Variants in SOAT1 observed in about 807,000 individuals in gnomAD.
SOAT1 encodes the protein acyl-coenzyme A:cholesterol acyltransferase 1.
In SOAT1, 55 loss-of-function variants were observed where a neutral mutation model predicts 69.5. That is an observed-to-expected ratio of 0.79 (90% CI 0.64 to 0.99). The LOEUF (loss-of-function observed/expected upper bound fraction) is 0.99, where lower values mean the gene tolerates loss of function less well. Ranked by LOEUF, SOAT1 falls within the 50% of genes least tolerant of loss-of-function variation. SOAT1 has a pLI of 0.00. For missense variants in SOAT1, 580 were observed against 669.3 expected, an observed-to-expected ratio of 0.87 and a Z score of 1.47; for synonymous variants, 231 against 224.7, an observed-to-expected ratio of 1.03 and a Z score of -0.25.
intron 2 of SOAT1, among the ~76,000 whole-genome samples, chr1:179,317,973 G>A (rs1665453794): frequency 6.6e-6 from 1 of 151,982 alleles, no homozygotes; most frequent in African/African-American, 2.4e-5. Flanking sequence ...GATTGTTTGA[G>A]GCCAGGAGTT....
intron 3 of SOAT1, among the ~76,000 whole-genome samples, chr1:179,332,719 A>T (rs1285662749): frequency 1.3e-5 from 2 of 152,192 alleles, no homozygotes; most frequent in African/African-American, 4.8e-5. Flanking sequence ...GATACCAGAC[A>T]TTATTCAGAT....
intron 2 of SOAT1, among the ~76,000 whole-genome samples, chr1:179,315,881 T>C (rs1001399100): frequency 3.3e-5 from 5 of 152,246 alleles, no homozygotes; most frequent in Admixed American, 6.5e-5. Context: ...AGCTTTTGTC[T>C]TCATTTTTTT....
intron 2 of SOAT1, among the ~76,000 whole-genome samples, chr1:179,314,963 T>TA (rs1665341944): frequency 6.6e-6 from 1 of 152,170 alleles, no homozygotes; most frequent in African/African-American, 2.4e-5. Flanking sequence ...CTTATGGACT[T>TA]ATGCGGGGTT....
intron 7 of SOAT1, among the ~76,000 whole-genome samples, 167 bp downstream of exon 7, chr1:179,341,477 T>A (rs12755434): frequency 6.6e-6 from 1 of 152,118 alleles, no homozygotes; most frequent in Non-Finnish European, 1.5e-5. Flanking sequence ...TCATCTCACC[T>A]CTTAAGTTTC....
intron 2 of SOAT1, among the ~76,000 whole-genome samples, chr1:179,321,035 T>A (rs1164940925): frequency 6.6e-6 from 1 of 151,970 alleles, no homozygotes; most frequent in African/African-American, 2.4e-5. Flanking sequence ...GACTCCCAAG[T>A]AGCTGGGATT....
chr1:179,336,470 CAAAAAAAAAAAAA>C (rs71569242), intron 4 of SOAT1, among the ~76,000 whole-genome samples: 1 of 79,074 alleles, frequency 1.3e-5, no homozygotes, highest in Non-Finnish European at 2.3e-5. Flanking sequence ...ACCCTGTCTC[CAAAAAAAAAAAAA>C]AAAAAAAAAA....
intron 3 of SOAT1, among the ~76,000 whole-genome samples, chr1:179,333,780 C>A (rs562414437): frequency 7.7e-6 from 1 of 130,404 alleles, no homozygotes; most frequent in African/African-American, 2.7e-5. Flanking sequence ...TTGCGGTGAG[C>A]TAGTATCATG....
chr1:179,313,230 A>C (rs1223381920), intron 2 of SOAT1, among the ~76,000 whole-genome samples: 1 of 152,206 alleles, frequency 6.6e-6, no homozygotes, highest in African/African-American at 2.4e-5. Context: ...AGAGTTGAGT[A>C]GTTGTTACAT....
At chr1:179,328,441 AATAAAG>A (rs1665860003) in intron 3 of SOAT1, among the ~76,000 whole-genome samples, 1 of 152,248 alleles carries the variant, frequency 6.6e-6, no homozygotes, top group Non-Finnish European at 1.5e-5. Flanking sequence ...ATTTCAATAT[AATAAAG>A]TTCCCACTCA....
chr1:179,352,971 C>T (rs1308184075), intron 15 of SOAT1, among the ~76,000 whole-genome samples: 3 of 150,818 alleles, frequency 2.0e-5, no homozygotes, highest in African/African-American at 7.3e-5. Context: ...TGCTTGCTTC[C>T]CTCTCTTTCC....
In SOAT1 at chr1:179,353,700, C is replaced by T. The variant is rs369822705; in HGVS notation, c.*59C>T. 174 of 1,353,152 alleles carry T rather than the reference C, an allele frequency of 1.3e-4. 1 individual carries two copies. The African/African-American group carries it at 2.2e-3, about 17-fold the overall frequency. 83.8% of individuals were successfully genotyped at this position (1,353,152 alleles called of 1,614,324 possible). On this transcript the variant is annotated 3_prime_UTR_variant, in exon 16 of 16. Coordinates refer to ENST00000367619, the MANE Select transcript of SOAT1 (RefSeq NM_003101.6). Reference sequence around the variant, plus strand: ...GATTGGGTAGCTCCCTGATTTGGAGCCAGCTGTTTCCAGTTGTTACTGAAG... The same window carrying T: ...GATTGGGTAGCTCCCTGATTTGGAGTCAGCTGTTTCCAGTTGTTACTGAAG...
chr1:179,304,498 G>A (rs981562882), intron 2 of SOAT1, among the ~76,000 whole-genome samples: 2 of 151,506 alleles, frequency 1.3e-5, no homozygotes, highest in African/African-American at 4.9e-5. Context: ...GGCTGGTCTC[G>A]AACTTTTGAC....
intron 3 of SOAT1, among the ~76,000 whole-genome samples, chr1:179,324,985 A>G (rs1171906292): frequency 3.6e-5 from 3 of 83,388 alleles, no homozygotes; most frequent in African/African-American, 9.4e-5. Context: ...TGTAATTTTT[A>G]GTAGACATGG....
intron 2 of SOAT1, among the ~76,000 whole-genome samples, chr1:179,318,430 T>C (rs187140593): frequency 2.6e-5 from 4 of 152,216 alleles, no homozygotes; most frequent in Admixed American, 2.6e-4. Context: ...TGTTATAAAA[T>C]TACGAAAAAG....
At chr1:179,304,260 A>G (rs1049353860) in intron 2 of SOAT1, among the ~76,000 whole-genome samples, 51 of 146,410 alleles carry the variant, frequency 3.5e-4, no homozygotes, top group African/African-American at 1.3e-3. Context: ...AGCCTGGTCT[A>G]GGTGCCCTTT....
chr1:179,348,935 T>G lies in SOAT1; in HGVS notation c.1307T>G (p.Phe436Cys). 6.4e-7 allele frequency: 1 copy of G among 1,562,398 alleles called. No homozygotes were observed. Among genetic ancestry groups the G allele is most frequent in the South Asian group, 1.1e-5 (1 of 89,994 alleles). ...DWLYYYAYKD[F>C]LWFFSKRFKS... ...CTATATTACTATGCTTACAAGGACT[T>G]TCTCTGGGTAAGTAGCAAGGTTTAA... Residue 436 changes from phenylalanine to cysteine, a missense_variant, in exon 13 of 16, where the codon TTT becomes TGT. Phe to Cys is a radical substitution (Grantham distance 205). Transcript: ENST00000367619.
intron 1 of SOAT1, among the ~76,000 whole-genome samples, chr1:179,301,446 G>T (rs1469087085): frequency 6.6e-6 from 1 of 152,076 alleles, no homozygotes; most frequent in Non-Finnish European, 1.5e-5. Flanking sequence ...AGTGGTCTTT[G>T]TAGTTTGGAT....
At chr1:179,353,159 A>G (rs1219268946) in intron 15 of SOAT1, among the ~76,000 whole-genome samples, 1 of 107,546 alleles carries the variant, frequency 9.3e-6, no homozygotes, top group African/African-American at 3.3e-5. Flanking sequence ...ATATTAACTA[A>G]TATATACTAA....
intron 3 of SOAT1, among the ~76,000 whole-genome samples, chr1:179,325,490 C>T (rs1665757688): frequency 6.6e-6 from 1 of 152,102 alleles, no homozygotes; most frequent in Non-Finnish European, 1.5e-5. Flanking sequence ...TAGAGTGTTT[C>T]TGACCCTTTT....
Sources: gnomAD v4.1 joint callset for allele counts (sites outside exome capture counted in the v4.1 genomes callset) on GRCh38, gnomAD v4.1.1 for gene constraint, MANE v1.5 for transcripts, NCBI Gene and HGNC (gene_info 2026-07-23, HGNC 2026-07-21) for gene names.